Variants in RAMP2 observed in about 807,000 individuals in gnomAD.
The protein encoded by RAMP2 is receptor activity-modifying protein 2.
In RAMP2, 11 loss-of-function variants were observed where a neutral mutation model predicts 18.2. That is an observed-to-expected ratio of 0.60 (90% CI 0.38 to 1.00). RAMP2 has a LOEUF of 1.00. Ranked by LOEUF, RAMP2 falls within the 50% of genes least tolerant of loss-of-function variation. The pLI, the probability that RAMP2 is intolerant of heterozygous loss-of-function variation, is 0.01. For missense variants in RAMP2, 191 were observed against 226.5 expected (o/e 0.84, Z 1.01); for synonymous variants, 86 against 90.8 (o/e 0.95, Z 0.30).
At position 42,761,990 on chromosome 17, in the gene RAMP2, C is replaced by A; in HGVS notation, c.163+91C>A. On this transcript the variant is annotated intron_variant, in intron 2 of 3. Transcript: ENST00000253796. This position sits in a 1 kb window ranked among gnomAD's most constrained non-coding sequence, Gnocchi z 4.2. ...TCCTTTCCCACGAGGCCTGCCCAAC[C>A]CCAGCTGATGCCCCACTACACTCCC... is the stretch of plus-strand genomic sequence containing the variant. 1 of 1,213,468 alleles carries A rather than the reference C, an allele frequency of 8.2e-7. No individual in the cohort carries two copies. The highest frequency in any genetic ancestry group is 1.2e-6 in the Non-Finnish European group (1 of 843,986). The allele number at this position is 1,213,468 out of a possible 1,614,324, so 75.2% of individuals were successfully genotyped here. A position where few individuals can be genotyped will look rare whatever the true frequency, so the allele number is the denominator to read the frequency against.
Position 42,761,785 on chromosome 17 carries a change from C to T in RAMP2, c.98-49C>T. ...CCCCCAACCCCCCTCGCAGGCTCCACTGCCGGGGTCCCCGCTATGTTACCC... is the reference window on the plus strand; with the variant it reads ...CCCCCAACCCCCCTCGCAGGCTCCATTGCCGGGGTCCCCGCTATGTTACCC... On this transcript the variant is annotated intron_variant, in intron 1 of 3. Transcript: ENST00000253796. This position sits in a 1 kb window ranked among gnomAD's most constrained non-coding sequence, Gnocchi z 4.2. 4.0e-6 allele frequency: 6 copies of T among 1,498,192 alleles called. No individual in the cohort carries two copies. The highest frequency in any genetic ancestry group is 5.6e-6 in the Non-Finnish European group (6 of 1,075,804). The allele number at this position is 1,498,192 out of a possible 1,614,324, so 92.8% of individuals were successfully genotyped here.
Position 42,762,801 on chromosome 17 carries a change from C to G in RAMP2, c.477C>G (p.Phe159Leu), listed in dbSNP as rs1421682132. 6.2e-7 allele frequency: 1 copy of G among 1,613,698 alleles called. No homozygotes were observed. Among genetic ancestry groups the G allele is most frequent in the Admixed American group, 1.7e-5 (1 of 59,982 alleles). Residue 159 changes from phenylalanine (F) to leucine (L), a missense_variant, in exon 4 of 4, where the codon TTC becomes TTG. Physicochemically the swap from Phe to Leu is conservative, Grantham distance 22. Transcript: ENST00000253796. ...MIIAPICLIP[F>L]LITLVVWRSK... ...TAGCCCCCATCTGCCTCATCCCCTTCCTCATCACTCTTGTAGTATGGAGGA... is the reference window on the plus strand; with the variant it reads ...TAGCCCCCATCTGCCTCATCCCCTTGCTCATCACTCTTGTAGTATGGAGGA...
At chr17:42,762,546 C>A (rs577781935) in intron 3 of RAMP2, 51 bp from the exon 4 acceptor site, 4 of 1,603,596 alleles carry the variant, frequency 2.5e-6, no homozygotes, top group Non-Finnish European at 3.4e-6. Context: ...GTGGGGCACT[C>A]TTCTCCCTGG....
At chr17:42,762,517 A>C (rs1215692821) in intron 3 of RAMP2, 54 bp downstream of exon 3, 1 of 1,609,280 alleles carries the variant, frequency 6.2e-7, no homozygotes, top group South Asian at 1.1e-5. Flanking sequence ...TGCTCATTGC[A>C]GGTAGACCCT....
Position 42,762,941 on chromosome 17 carries a change from C to G in RAMP2, c.*89C>G. On this transcript the variant is annotated 3_prime_UTR_variant, in exon 4 of 4. Coordinates refer to ENST00000253796, the MANE Select transcript of RAMP2 (RefSeq NM_005854.3). ...TCCCCTCCTACTCCCTTTTCTCACT[C>G]TCATCCCCACCACAGATCCCTGGAT... The G allele has an allele frequency of 2.9e-6, 4 of 1,364,018 alleles. No homozygotes were observed. In the South Asian group the frequency reaches 4.5e-5, roughly 15 times the overall value. The allele number at this position is 1,364,018 out of a possible 1,614,324, so 84.5% of individuals were successfully genotyped here.
At chr17:42,762,054 T>C (rs1348101213) in intron 2 of RAMP2, among the ~76,000 whole-genome samples, 155 bp downstream of exon 2, 1 of 152,170 alleles carries the variant, frequency 6.6e-6, no homozygotes, top group Non-Finnish European at 1.5e-5. Context: ...TCTTTCTCCC[T>C]GTCCTCCTAC....
Position 42,762,730 on chromosome 17 carries a change from C to G in RAMP2, c.406C>G (p.Pro136Ala). 1 of 1,614,106 alleles carries G rather than the reference C, an allele frequency of 6.2e-7. No individual in the cohort carries two copies. The stretch of plus-strand genomic sequence containing the variant: ...CTTTGCCAACTGCTCCCTGGTGCAG[C>G]CCACCTTCTCTGACCCCCCAGAGGA... ...IHFANCSLVQ[P>A]TFSDPPEDVL... The change falls in exon 4 of 4, where the codon CCC becomes GCC. Residue 136 changes from proline (P) to alanine (A), a missense_variant. Coordinates refer to ENST00000253796, the MANE Select transcript of RAMP2 (RefSeq NM_005854.3).
Position 42,761,242 on chromosome 17 carries a change from C to T in RAMP2, c.-20C>T, listed in dbSNP as rs1322642877. 1 of 1,450,824 alleles carries T rather than the reference C, an allele frequency of 6.9e-7. No individual in the cohort carries two copies. The highest frequency in any genetic ancestry group is 1.5e-5 in the African/African-American group (1 of 67,744). 89.9% of individuals were successfully genotyped at this position (1,450,824 alleles called of 1,614,324 possible). A position where few individuals can be genotyped will look rare whatever the true frequency, so the allele number is the denominator to read the frequency against. ...GGCCCGGCTCAGCGCCGCCGCCGCT[C>T]CTCGCCTCCTTGCTGCACGATGGCC... On this transcript the variant is annotated 5_prime_UTR_variant, in exon 1 of 4. Coordinates refer to ENST00000253796, the MANE Select transcript of RAMP2 (RefSeq NM_005854.3). This position sits in a 1 kb window ranked among gnomAD's most constrained non-coding sequence, Gnocchi z 4.2.
At position 42,762,355 on chromosome 17, in the gene RAMP2, G is replaced by T; in HGVS notation, c.164G>T (p.Gly55Val). Residue 55 changes from glycine (G) to valine (V), a missense_variant and splice_region_variant, in exon 3 of 4, where the codon GGG becomes GTG. Transcript: ENST00000253796. ...CATTGTGTAGCATCTGTACCTACAGGGGGGACGGTGAAGAACTATGAGACA... is the reference window on the plus strand; with the variant it reads ...CATTGTGTAGCATCTGTACCTACAGTGGGGACGGTGAAGAACTATGAGACA... ...LPTTGTPGSEGGTVKNYETAV... is the reference protein window; with the variant it reads ...LPTTGTPGSEVGTVKNYETAV... 6.2e-7 allele frequency: 1 copy of T among 1,614,096 alleles called. No homozygotes were observed. Among genetic ancestry groups the T allele is most frequent in the East Asian group, 2.2e-5 (1 of 44,884 alleles).
At position 42,761,498 on chromosome 17, in the gene RAMP2, G is replaced by A; in HGVS notation, c.97+140G>A. ...AGGACCGACGTACCTAGCAGCACTGGCCCTCGGACGGTCCCTGACCCCACC... is the reference window on the plus strand; with the variant it reads ...AGGACCGACGTACCTAGCAGCACTGACCCTCGGACGGTCCCTGACCCCACC... On this transcript the variant is annotated intron_variant, in intron 1 of 3. Coordinates refer to ENST00000253796, the MANE Select transcript of RAMP2 (RefSeq NM_005854.3). This position sits in a 1 kb window ranked among gnomAD's most constrained non-coding sequence, Gnocchi z 4.2. The A allele has an allele frequency of 1.3e-6, 1 of 743,386 alleles. No homozygotes were observed. The highest frequency in any genetic ancestry group is 2.0e-6 in the Non-Finnish European group (1 of 491,866). 46.0% of individuals were successfully genotyped at this position (743,386 alleles called of 1,614,324 possible). A position where few individuals can be genotyped will look rare whatever the true frequency, so the allele number is the denominator to read the frequency against.
intron 2 of RAMP2, 68 bp from the exon 3 acceptor site, chr17:42,762,287 G>A (rs1033111420): frequency 3.4e-5 from 54 of 1,604,430 alleles, no homozygotes; most frequent in Non-Finnish European, 4.3e-5. Context: ...CACCTTGCAA[G>A]CACCTGGGCA....
rs1568019718 is a variant in RAMP2 at position 42,761,766 on chromosome 17, A to AC, written c.98-62dup. 7 of 1,370,084 alleles carry AC rather than the reference A, an allele frequency of 5.1e-6. No individual in the cohort carries two copies. The East Asian group carries it at 9.3e-5, about 18-fold the overall frequency. 84.9% of individuals were successfully genotyped at this position (1,370,084 alleles called of 1,614,324 possible). A position where few individuals can be genotyped will look rare whatever the true frequency, so the allele number is the denominator to read the frequency against. ...ATTTTCGGAGGGTCTCAGTCCCCCA[A>AC]CCCCCCTCGCAGGCTCCACTGCCGG... On this transcript the variant is annotated intron_variant, in intron 1 of 3. Coordinates refer to ENST00000253796, the MANE Select transcript of RAMP2 (RefSeq NM_005854.3). The surrounding 1 kb of genome is among the most constrained non-coding windows in gnomAD (Gnocchi z 4.2).
rs1322642877 is a variant in RAMP2 at position 42,761,242 on chromosome 17, C to A, written c.-20C>A. 6 of 1,450,716 alleles carry A rather than the reference C, an allele frequency of 4.1e-6. No homozygotes were observed. In the African/African-American group the frequency reaches 4.4e-5, roughly 11 times the overall value. The allele number at this position is 1,450,716 out of a possible 1,614,324, so 89.9% of individuals were successfully genotyped here. Reference sequence around the variant, plus strand: ...GGCCCGGCTCAGCGCCGCCGCCGCTCCTCGCCTCCTTGCTGCACGATGGCC... The same window carrying A: ...GGCCCGGCTCAGCGCCGCCGCCGCTACTCGCCTCCTTGCTGCACGATGGCC... On this transcript the variant is annotated 5_prime_UTR_variant, in exon 1 of 4. Transcript: ENST00000253796. This position sits in a 1 kb window ranked among gnomAD's most constrained non-coding sequence, Gnocchi z 4.2.
chr17:42,761,435 G>C lies in RAMP2; in HGVS notation c.97+77G>C, dbSNP rs1475932735. 8.6e-7 allele frequency: 1 copy of C among 1,158,436 alleles called. No individual in the cohort carries two copies. The highest frequency in any genetic ancestry group is 2.3e-5 in the South Asian group (1 of 42,832). The allele number at this position is 1,158,436 out of a possible 1,614,324, so 71.8% of individuals were successfully genotyped here. Reference sequence around the variant, plus strand: ...GGAGAGGGGAGAGGGGAGAGGGGCTGGATGGCCGAGGCCGGAACGGGCCCT... The same window carrying C: ...GGAGAGGGGAGAGGGGAGAGGGGCTCGATGGCCGAGGCCGGAACGGGCCCT... On this transcript the variant is annotated intron_variant, in intron 1 of 3. Transcript: ENST00000253796. The surrounding 1 kb of genome is among the most constrained non-coding windows in gnomAD (Gnocchi z 4.2).
rs569552830 is a variant in RAMP2 at position 42,762,988 on chromosome 17, G to A, written c.*136G>A. 3.8e-6 allele frequency: 4 copies of A among 1,061,944 alleles called. No individual in the cohort carries two copies. In the African/African-American group the frequency reaches 4.8e-5, roughly 13 times the overall value. The allele number at this position is 1,061,944 out of a possible 1,614,324, so 65.8% of individuals were successfully genotyped here. On this transcript the variant is annotated 3_prime_UTR_variant, in exon 4 of 4. Transcript: ENST00000253796. ...GGATTGCTGGGAATGGAAGCCAGGT[G>A]GGGTCATGGCACAAGTTCTGTAATC...
At position 42,761,241 on chromosome 17, in the gene RAMP2, T is replaced by C; in HGVS notation, c.-21T>C. On this transcript the variant is annotated 5_prime_UTR_variant, in exon 1 of 4. Coordinates refer to ENST00000253796, the MANE Select transcript of RAMP2 (RefSeq NM_005854.3). This position sits in a 1 kb window ranked among gnomAD's most constrained non-coding sequence, Gnocchi z 4.2. ...GGGCCCGGCTCAGCGCCGCCGCCGC[T>C]CCTCGCCTCCTTGCTGCACGATGGC... is the stretch of plus-strand genomic sequence containing the variant. 2.1e-6 allele frequency: 3 copies of C among 1,448,254 alleles called. No homozygotes were observed. In the South Asian group the frequency reaches 3.9e-5, roughly 19 times the overall value. The allele number at this position is 1,448,254 out of a possible 1,614,324, so 89.7% of individuals were successfully genotyped here.
At position 42,761,570 on chromosome 17, in the gene RAMP2, G is replaced by A. The variant is rs2054364837; in HGVS notation, c.97+212G>A. On this transcript the variant is annotated intron_variant, in intron 1 of 3. Coordinates refer to ENST00000253796, the MANE Select transcript of RAMP2 (RefSeq NM_005854.3). The surrounding 1 kb of genome is among the most constrained non-coding windows in gnomAD (Gnocchi z 4.2). ...CTGCTTCCCACCCAGGGAAAGCTGG[G>A]GTGCTGGCCCCGGCCCCTCGAAGAG... is the stretch of plus-strand genomic sequence containing the variant. Among the ~76,000 whole-genome samples, 1 of 152,202 alleles carries A rather than the reference G, an allele frequency of 6.6e-6. No individual in the cohort carries two copies. The highest frequency in any genetic ancestry group is 1.5e-5 in the Non-Finnish European group (1 of 68,020).
Position 42,761,728 on chromosome 17 carries a change from T to C in RAMP2, c.98-106T>C, listed in dbSNP as rs916016764. 1 of 967,576 alleles carries C rather than the reference T, an allele frequency of 1.0e-6. No individual in the cohort carries two copies. Among genetic ancestry groups the C allele is most frequent in the Admixed American group, 2.1e-5 (1 of 48,770 alleles). The allele number at this position is 967,576 out of a possible 1,614,324, so 59.9% of individuals were successfully genotyped here. ...GGGGCTAGATTATTCCTCCTTTTCT[T>C]CCAAGGTAGCCTATTTTCGGAGGGT... On this transcript the variant is annotated intron_variant, in intron 1 of 3. Coordinates refer to ENST00000253796, the MANE Select transcript of RAMP2 (RefSeq NM_005854.3). The surrounding 1 kb of genome is among the most constrained non-coding windows in gnomAD (Gnocchi z 4.2).
In RAMP2 at chr17:42,761,365, G is replaced by A. The variant is rs986394580; in HGVS notation, c.97+7G>A. ...CTCCTCCTCCTGCTGGGCGGTGAGC[G>A]CGGCGCCCCGAGGCCCGGGCGGGAG... is the stretch of plus-strand genomic sequence containing the variant. On this transcript the variant is annotated splice_region_variant and intron_variant, in intron 1 of 3. Transcript: ENST00000253796. This position sits in a 1 kb window ranked among gnomAD's most constrained non-coding sequence, Gnocchi z 4.2. 2 of 1,324,044 alleles carry A rather than the reference G, an allele frequency of 1.5e-6. No homozygotes were observed. The highest frequency in any genetic ancestry group is 9.6e-7 in the Non-Finnish European group (1 of 1,042,728). The allele number at this position is 1,324,044 out of a possible 1,614,324, so 82.0% of individuals were successfully genotyped here.
Sources: allele counts gnomAD v4.1 joint callset (sites outside exome capture counted in the v4.1 genomes callset), GRCh38; gene constraint gnomAD v4.1.1; non-coding constraint Gnocchi (gnomAD v3.1); transcripts MANE v1.5; gene names NCBI Gene and HGNC (gene_info 2026-07-23, HGNC 2026-07-21).